PEPD: variants seen among roughly 807,000 people sequenced by gnomAD.
The protein encoded by PEPD is xaa-Pro dipeptidase.
Under a neutral mutation model 60.7 loss-of-function variants are expected in PEPD, and 53 were observed. That is an observed-to-expected ratio of 0.87 (90% CI 0.70 to 1.10). The LOEUF is 1.10. PEPD is among the 50% of genes least tolerant of loss of function. The probability of loss-of-function intolerance (pLI) is 0.00; values close to 1 mark genes in which losing one functional copy is unlikely to be tolerated. For missense variants in PEPD, 711 were observed against 711.9 expected, an observed-to-expected ratio of 1.00 and a Z score of 0.01; for synonymous variants, 267 against 284.1, an observed-to-expected ratio of 0.94 and a Z score of 0.60.
At chr19:33,407,887 C>A (rs886573424) in intron 11 of PEPD, among the ~76,000 whole-genome samples, 1 of 152,172 alleles carries the variant, frequency 6.6e-6, no homozygotes, top group Non-Finnish European at 1.5e-5. Context: ...TGCGTGCATG[C>A]GAGTGGGTGT....
At chr19:33,483,746 G>T (rs1280064577) in intron 6 of PEPD, among the ~76,000 whole-genome samples, 1 of 152,118 alleles carries the variant, frequency 6.6e-6, no homozygotes, top group African/African-American at 2.4e-5. Flanking sequence ...GGAGGTTGAG[G>T]CTATAGTGAT....
intron 13 of PEPD, among the ~76,000 whole-genome samples, chr19:33,390,006 C>G (rs1462582329): frequency 3.9e-5 from 6 of 152,256 alleles, no homozygotes; most frequent in Admixed American, 3.9e-4. Flanking sequence ...GTCCTGCCCT[C>G]ACCGCGCCCA....
chr19:33,512,444 G>T, intron 2 of PEPD, 149 bp downstream of exon 2: 1 of 731,684 alleles, frequency 1.4e-6, no homozygotes, highest in Non-Finnish European at 2.3e-6. Flanking sequence ...CATCTTCAAG[G>T]AGCCCCTGGA....
chr19:33,517,136 G>A (rs985347297), intron 1 of PEPD, among the ~76,000 whole-genome samples: 2 of 152,106 alleles, frequency 1.3e-5, no homozygotes, highest in Non-Finnish European at 2.9e-5. Context: ...AGCTGAGATC[G>A]CAACACTACA....
chr19:33,496,271 C>T lies in PEPD; in HGVS notation c.394-2934G>A, dbSNP rs559236499. Among the ~76,000 whole-genome samples the T allele has an allele frequency of 3.9e-5, 6 of 152,172 alleles. No individual in the cohort carries two copies. The South Asian group carries it at 6.2e-4, about 16-fold the overall frequency. On this transcript the variant is annotated intron_variant, in intron 4 of 14. Transcript: ENST00000244137. ...TGTGGGCTGATGGTTTTTCTCCGGGCGACGACTCTCAGGACATGCTGGTTA... is the reference window on the plus strand; with the variant it reads ...TGTGGGCTGATGGTTTTTCTCCGGGTGACGACTCTCAGGACATGCTGGTTA...
chr19:33,453,925 T>TA (rs1226148633), intron 9 of PEPD, among the ~76,000 whole-genome samples: 3 of 152,222 alleles, frequency 2.0e-5, no homozygotes, highest in Non-Finnish European at 4.4e-5. Flanking sequence ...GTCGGCTTCT[T>TA]AAAGTCCTGA....
At chr19:33,462,951 G>GT (rs755277379) in intron 9 of PEPD, 44 bp downstream of exon 9, 4 of 1,301,144 alleles carry the variant, frequency 3.1e-6, no homozygotes, top group East Asian at 2.3e-5. Context: ...ATAAATTACT[G>GT]TTTTTTACCT....
At chr19:33,404,123 C>T (rs764085418) in intron 11 of PEPD, among the ~76,000 whole-genome samples, 3 of 152,250 alleles carry the variant, frequency 2.0e-5, no homozygotes, top group Non-Finnish European at 2.9e-5. Context: ...TCAACCTTCA[C>T]GGCCTCAGTT....
chr19:33,509,348 A>C (rs529171062), intron 3 of PEPD, among the ~76,000 whole-genome samples: 2 of 152,276 alleles, frequency 1.3e-5, no homozygotes, highest in African/African-American at 4.8e-5. Flanking sequence ...TTCTGCTGCC[A>C]ATTGTGCTCC....
At chr19:33,504,915 G>A (rs1369005833) in intron 3 of PEPD, among the ~76,000 whole-genome samples, 1 of 152,124 alleles carries the variant, frequency 6.6e-6, no homozygotes, top group Non-Finnish European at 1.5e-5. Flanking sequence ...TCCTCCACAG[G>A]GGTCAGCATC....
intron 3 of PEPD, among the ~76,000 whole-genome samples, chr19:33,508,137 G>A (rs1970848407): frequency 6.6e-6 from 1 of 152,118 alleles, no homozygotes; most frequent in African/African-American, 2.4e-5. Flanking sequence ...TCTCACAGAG[G>A]AGGCATCCGA....
At chr19:33,492,026 C>CT (rs1306881903) in intron 5 of PEPD, among the ~76,000 whole-genome samples, 1 of 122,826 alleles carries the variant, frequency 8.1e-6, no homozygotes, top group Admixed American at 9.4e-5. Flanking sequence ...CTCTACTTTA[C>CT]TTTTTATATT....
chr19:33,455,511 T>C (rs1234328828), intron 9 of PEPD, among the ~76,000 whole-genome samples: 1 of 151,824 alleles, frequency 6.6e-6, no homozygotes, highest in Non-Finnish European at 1.5e-5. Context: ...TTTTCTCTTT[T>C]TTTTTTTAAG....
intron 7 of PEPD, among the ~76,000 whole-genome samples, chr19:33,472,698 A>C (rs931495794): frequency 6.6e-6 from 1 of 152,242 alleles, no homozygotes; most frequent in African/African-American, 2.4e-5. Flanking sequence ...TAGTAGTGAG[A>C]CAAGGATGAA....
chr19:33,404,759 C>T lies in PEPD; in HGVS notation c.819-2890G>A, dbSNP rs191372790. ...CAGCTCCATCCTGCCCAGCGAGGCT[C>T]GGGTATGGAGCTGAAGTCTATTTTC... On this transcript the variant is annotated intron_variant, in intron 11 of 14. Coordinates refer to ENST00000244137, the MANE Select transcript of PEPD (RefSeq NM_000285.4). Among the ~76,000 whole-genome samples, 4 of 152,266 alleles carry T rather than the reference C, an allele frequency of 2.6e-5. No individual in the cohort carries two copies. In the East Asian group the frequency reaches 7.7e-4, roughly 29 times the overall value.
At chr19:33,482,950 A>G (rs374436134) in intron 6 of PEPD, among the ~76,000 whole-genome samples, 3 of 152,246 alleles carry the variant, frequency 2.0e-5, no homozygotes, top group African/African-American at 7.2e-5. Flanking sequence ...ATGGCCCATA[A>G]CTGCAGAATA....
chr19:33,413,493 G>T, intron 10 of PEPD, 82 bp downstream of exon 10: 1 of 790,678 alleles, frequency 1.3e-6, no homozygotes, highest in South Asian at 1.5e-5. Context: ...GCTGAGCTGG[G>T]GGATGGTGGA....
chr19:33,405,058 G>A (rs1424630842), intron 11 of PEPD, among the ~76,000 whole-genome samples: 10 of 152,200 alleles, frequency 6.6e-5, no homozygotes, highest in Admixed American at 1.3e-4. Context: ...ATCTTTGGCC[G>A]AGTGAGTCGA....
chr19:33,434,748 C>T (rs900551887), intron 9 of PEPD, among the ~76,000 whole-genome samples: 4 of 152,106 alleles, frequency 2.6e-5, no homozygotes, highest in Non-Finnish European at 4.4e-5. Context: ...GGAAAGGTCA[C>T]GCCCTTTGGG....
Sources: allele counts gnomAD v4.1 joint callset (sites outside exome capture counted in the v4.1 genomes callset), GRCh38; gene constraint gnomAD v4.1.1; transcripts MANE v1.5; gene names NCBI Gene and HGNC (gene_info 2026-07-23, HGNC 2026-07-21).